Variants in NFIX observed in about 807,000 individuals in gnomAD.
NFIX encodes the protein nuclear factor 1 X-type.
A neutral mutation model predicts 53.3 loss-of-function variants in NFIX; 2 were observed. The ratio of observed to expected loss-of-function variants is 0.04; its 90% confidence interval spans 0.02 to 0.12. The LOEUF is 0.12. NFIX is among the 10% of genes least tolerant of loss of function. The probability of loss-of-function intolerance (pLI) is 1.00; values close to 1 mark genes in which losing one functional copy is unlikely to be tolerated. For missense variants in NFIX, 310 were observed against 674.5 expected (o/e 0.46, Z 5.99); for synonymous variants, 244 against 289.0 (o/e 0.84, Z 1.58).
rs1439066627 is a variant in NFIX, at chr19:13,078,916, G to A, written c.1078+181G>A. Among the ~76,000 whole-genome samples, 3 of 152,250 alleles carry A rather than the reference G, an allele frequency of 2.0e-5. No individual in the cohort carries two copies. The East Asian group carries it at 5.8e-4, about 29-fold the overall frequency. On this transcript the variant is annotated intron_variant, in intron 7 of 10. Transcript: ENST00000592199. The surrounding 1 kb of genome is among the most constrained non-coding windows in gnomAD (Gnocchi z 4.7). Reference sequence around the variant, plus strand: ...CCCCTGCTTCACGTAGCACCTCATCGAGGACCAGGCCGGGCCCCTGGGCTG... The same window carrying A: ...CCCCTGCTTCACGTAGCACCTCATCAAGGACCAGGCCGGGCCCCTGGGCTG...
chr19:13,020,801 G>C (rs2012925568), intron 1 of NFIX, among the ~76,000 whole-genome samples: 1 of 152,226 alleles, frequency 6.6e-6, no homozygotes, highest in African/African-American at 2.4e-5. Flanking sequence ...AGCCAGTCGT[G>C]CATCTTGTCC....
At chr19:13,033,097 A>G (rs2013932989) in intron 2 of NFIX, among the ~76,000 whole-genome samples, 1 of 152,118 alleles carries the variant, frequency 6.6e-6, no homozygotes, top group Non-Finnish European at 1.5e-5. Context: ...AGATAAATAT[A>G]GCTGATGGCA....
chr19:13,018,836 GCTT>G (rs2012810114), intron 1 of NFIX, among the ~76,000 whole-genome samples: 1 of 152,226 alleles, frequency 6.6e-6, no homozygotes, highest in Non-Finnish European at 1.5e-5. Flanking sequence ...TACGAAGCCG[GCTT>G]CTTTTGGTTC....
At chr19:13,091,710 G>A (rs1233110389) in intron 10 of NFIX, among the ~76,000 whole-genome samples, 1 of 152,196 alleles carries the variant, frequency 6.6e-6, no homozygotes, top group Non-Finnish European at 1.5e-5. Context: ...GGGTGCGAGA[G>A]GAAGGGACAG....
intron 2 of NFIX, among the ~76,000 whole-genome samples, chr19:13,056,474 G>A (rs578035846): frequency 1.3e-5 from 2 of 152,310 alleles, no homozygotes; most frequent in South Asian, 4.1e-4. Context: ...CCACCCACCC[G>A]GTGGTATTCA....
chr19:13,078,567 C>T lies in NFIX; in HGVS notation c.956-46C>T. On this transcript the variant is annotated intron_variant, in intron 6 of 10. Transcript: ENST00000592199. This position sits in a 1 kb window ranked among gnomAD's most constrained non-coding sequence, Gnocchi z 4.7. ...GGCTTCCCGCCTTCCCCGCACCCAC[C>T]CCAGCCCAGCTAAACCTGCCCTGTG... The T allele has an allele frequency of 1.3e-6, 2 of 1,567,178 alleles. No homozygotes were observed. Among genetic ancestry groups the T allele is most frequent in the Non-Finnish European group, 8.7e-7 (1 of 1,154,592 alleles).
Position 13,075,501 on chromosome 19 carries a change from C to T in NFIX, c.819-34C>T, listed in dbSNP as rs905958432. 1.9e-6 allele frequency: 3 copies of T among 1,610,834 alleles called. No homozygotes were observed. In the African/African-American group the frequency reaches 4.0e-5, roughly 22 times the overall value. Reference sequence around the variant, plus strand: ...GTCACTCCCTGGAGCCTCAGCCCATCCTTGGCCCATGTGACCCTTTCTTTC... The same window carrying T: ...GTCACTCCCTGGAGCCTCAGCCCATTCTTGGCCCATGTGACCCTTTCTTTC... On this transcript the variant is annotated intron_variant, in intron 5 of 10. Transcript: ENST00000592199.
In NFIX at chr19:13,081,619, C is replaced by G; in HGVS notation, c.1079-61C>G. Reference sequence around the variant, plus strand: ...ACCGGCAGCTCCCCTCCTCTCCTGTCCCTCCCACTGGCTGCCTCCTTGGCC... The same window carrying G: ...ACCGGCAGCTCCCCTCCTCTCCTGTGCCTCCCACTGGCTGCCTCCTTGGCC... On this transcript the variant is annotated intron_variant, in intron 7 of 10. Transcript: ENST00000592199. This position sits in a 1 kb window ranked among gnomAD's most constrained non-coding sequence, Gnocchi z 4.7. 8 of 1,554,338 alleles carry G rather than the reference C, an allele frequency of 5.1e-6. No homozygotes were observed. The highest frequency in any genetic ancestry group is 6.1e-6 in the Non-Finnish European group (7 of 1,144,420).
chr19:13,000,173 T>C (rs1005449562), intron 1 of NFIX, among the ~76,000 whole-genome samples: 7 of 152,196 alleles, frequency 4.6e-5, no homozygotes, highest in African/African-American at 1.7e-4. Context: ...CTACATGTTC[T>C]AATCTTGCGA....
intron 1 of NFIX, among the ~76,000 whole-genome samples, chr19:13,023,352 C>T (rs1370064153): frequency 6.6e-6 from 1 of 151,754 alleles, no homozygotes; most frequent in Non-Finnish European, 1.5e-5. Flanking sequence ...CTCCCTCTCT[C>T]TCTTTTGCAC....
chr19:13,032,826 C>T (rs1382217929), intron 2 of NFIX, among the ~76,000 whole-genome samples: 1 of 152,170 alleles, frequency 6.6e-6, no homozygotes, highest in African/African-American at 2.4e-5. Context: ...GAACAAGAGA[C>T]ACCCAAACCA....
chr19:13,085,764 T>TA (rs982390891), intron 8 of NFIX, among the ~76,000 whole-genome samples: 13 of 151,950 alleles, frequency 8.6e-5, no homozygotes, highest in South Asian at 6.2e-4. Flanking sequence ...GTCATCGTGG[T>TA]AAAAAAACAG....
At chr19:13,004,006 C>G (rs749646884) in intron 1 of NFIX, among the ~76,000 whole-genome samples, 5 of 152,220 alleles carry the variant, frequency 3.3e-5, no homozygotes, top group Non-Finnish European at 5.9e-5. Context: ...AATTCCTGGG[C>G]TCAGGTGATC....
At chr19:13,056,022 G>T (rs1240714189) in intron 2 of NFIX, among the ~76,000 whole-genome samples, 1 of 152,200 alleles carries the variant, frequency 6.6e-6, no homozygotes, top group Non-Finnish European at 1.5e-5. Flanking sequence ...CGGTTTCGCA[G>T]GAGGGGAGTG....
intron 2 of NFIX, among the ~76,000 whole-genome samples, chr19:13,031,648 C>G (rs1428803733): frequency 6.6e-6 from 1 of 152,118 alleles, no homozygotes. Flanking sequence ...AGGCTTCCTC[C>G]CGTAGGCGTA....
Position 13,097,453 on chromosome 19 carries a change from T to A in NFIX, c.*2804T>A, listed in dbSNP as rs1236144246. 6.5e-6 allele frequency: 1 copy of A among 152,684 alleles called. No individual in the cohort carries two copies. The highest frequency in any genetic ancestry group is 2.4e-5 in the African/African-American group (1 of 41,466). The allele number at this position is 152,684 out of a possible 1,614,324, so 9.5% of individuals were successfully genotyped here. On this transcript the variant is annotated 3_prime_UTR_variant, in exon 11 of 11. Coordinates refer to ENST00000592199, the MANE Select transcript of NFIX (RefSeq NM_001365902.3). The stretch of plus-strand genomic sequence containing the variant: ...TACGTTTTAAAGAACCCACAAACTA[T>A]TATACATAAGTTTATGAATCAATTA...
rs1359001144 is a variant in NFIX, at chr19:13,043,352, G to T, written c.559+17800G>T. Among the ~76,000 whole-genome samples, 1 of 152,216 alleles carries T rather than the reference G, an allele frequency of 6.6e-6. No homozygotes were observed. The highest frequency in any genetic ancestry group is 2.1e-4 in the South Asian group (1 of 4,830). ...AGTTTCCTCTCAGCTTCTGGCCTTG[G>T]GACTGCAGAAGTGGCTCTTGAGACT... is the stretch of plus-strand genomic sequence containing the variant. On this transcript the variant is annotated intron_variant, in intron 2 of 10. Transcript: ENST00000592199. The surrounding 1 kb of genome is among the most constrained non-coding windows in gnomAD (Gnocchi z 4.0).
rs2014305983 is a variant in NFIX at position 13,037,699 on chromosome 19, A to G, written c.559+12147A>G. 6.6e-6 allele frequency among the ~76,000 whole-genome samples: 1 copy of G among 152,188 alleles called. No homozygotes were observed. On this transcript the variant is annotated intron_variant, in intron 2 of 10. Transcript: ENST00000592199. The surrounding 1 kb of genome is among the most constrained non-coding windows in gnomAD (Gnocchi z 4.2). ...CACCTCGGTAAACCCCTCAGTCTCC[A>G]GCAAACTGGGATTGTTGGTCACCCT...
At chr19:13,024,569 G>A in intron 1 of NFIX, 2 of 1,534,542 alleles carry the variant, frequency 1.3e-6, no homozygotes, top group Admixed American at 3.9e-5. Context: ...GTGCGTCCAC[G>A]GGCGTCTGTG....
Sources: allele counts gnomAD v4.1 joint callset (sites outside exome capture counted in the v4.1 genomes callset), GRCh38; gene constraint gnomAD v4.1.1; non-coding constraint Gnocchi (gnomAD v3.1); transcripts MANE v1.5; gene names NCBI Gene and HGNC (gene_info 2026-07-23, HGNC 2026-07-21).